SPATA17: variants seen among roughly 807,000 people sequenced by gnomAD.
SPATA17 encodes spermatogenesis-associated protein 17.
Under a neutral mutation model 62.2 loss-of-function variants are expected in SPATA17, and 53 were observed. The observed-to-expected ratio is 0.85, with a 90% confidence interval of 0.68 to 1.07. The LOEUF is 1.07. SPATA17 is among the 50% of genes least tolerant of loss of function. SPATA17 has a pLI of 0.00. For synonymous variants in SPATA17, 146 were observed against 146.8 expected (o/e 0.99, Z 0.04); for missense variants, 466 against 425.5 (o/e 1.10, Z -0.84).
chr1:217,871,581 C>T lies in SPATA17; in HGVS notation c.*4562C>T, dbSNP rs142634615. 6.6e-5 allele frequency: 10 copies of T among 152,240 alleles called. No individual in the cohort carries two copies. In the East Asian group the frequency reaches 1.9e-3, roughly 29 times the overall value. 9.4% of individuals were successfully genotyped at this position (152,240 alleles called of 1,614,324 possible). A position where few individuals can be genotyped will look rare whatever the true frequency, so the allele number is the denominator to read the frequency against. On this transcript the variant is annotated 3_prime_UTR_variant, in exon 11 of 11. Transcript: ENST00000366933. The stretch of plus-strand genomic sequence containing the variant: ...CCAAGTTACAGATTTTAATAAACCA[C>T]TGTGCAAAGCATTAGGATAAATTTT...
intron 4 of SPATA17, among the ~76,000 whole-genome samples, chr1:217,682,451 A>G (rs1315254903): frequency 6.6e-6 from 1 of 151,968 alleles, no homozygotes; most frequent in East Asian, 1.9e-4. Flanking sequence ...AAGATGTAAG[A>G]AGCAGATAAT....
chr1:217,680,887 T>C (rs1671063479), intron 4 of SPATA17, among the ~76,000 whole-genome samples: 1 of 132,474 alleles, frequency 7.5e-6, no homozygotes, highest in Non-Finnish European at 1.5e-5. Flanking sequence ...ATCATGCCAC[T>C]GCACTCCAGA....
rs1446032939 is a variant in SPATA17, at chr1:217,729,884, G to A, written c.396-12091G>A. On this transcript the variant is annotated intron_variant, in intron 5 of 10. Coordinates refer to ENST00000366933, the MANE Select transcript of SPATA17 (RefSeq NM_138796.4). Reference sequence around the variant, plus strand: ...AAAATATTTAAAAACAAAATACACAGAAAGGAAAAAATGCTTCAGTCCCAA... The same window carrying A: ...AAAATATTTAAAAACAAAATACACAAAAAGGAAAAAATGCTTCAGTCCCAA... Among the ~76,000 whole-genome samples the A allele has an allele frequency of 3.9e-5, 6 of 151,918 alleles. No individual in the cohort carries two copies. The East Asian group carries it at 1.2e-3, about 29-fold the overall frequency.
intron 9 of SPATA17, among the ~76,000 whole-genome samples, chr1:217,833,861 T>G (rs1360295760): frequency 6.6e-6 from 1 of 152,168 alleles, no homozygotes; most frequent in African/African-American, 2.4e-5. Flanking sequence ...AGTAACCATT[T>G]TGTACAACAA....
chr1:217,783,432 G>A (rs951710942), intron 8 of SPATA17, among the ~76,000 whole-genome samples: 5 of 151,948 alleles, frequency 3.3e-5, no homozygotes, highest in Non-Finnish European at 7.4e-5. Flanking sequence ...TAGCTGTAGA[G>A]TGTTTAGCAG....
At chr1:217,836,961 G>A (rs1425598912) in intron 9 of SPATA17, among the ~76,000 whole-genome samples, 1 of 151,812 alleles carries the variant, frequency 6.6e-6, no homozygotes, top group African/African-American at 2.4e-5. Flanking sequence ...AGTTATTTTG[G>A]GTATATGTTC....
intron 9 of SPATA17, among the ~76,000 whole-genome samples, chr1:217,853,086 A>T (rs1675700863): frequency 1.3e-5 from 2 of 152,076 alleles, no homozygotes; most frequent in Non-Finnish European, 2.9e-5. Flanking sequence ...TAGGCACTTG[A>T]TTAATATTTT....
chr1:217,727,312 A>G (rs1672289304), intron 5 of SPATA17, among the ~76,000 whole-genome samples: 1 of 150,686 alleles, frequency 6.6e-6, no homozygotes, highest in African/African-American at 2.4e-5. Context: ...TTATTCTTAT[A>G]CATGGCTCCT....
At chr1:217,791,019 A>G (rs185524876) in intron 8 of SPATA17, among the ~76,000 whole-genome samples, 31 of 152,334 alleles carry the variant, frequency 2.0e-4, no homozygotes, top group African/African-American at 7.2e-4. Flanking sequence ...CTGTATTATG[A>G]TAGAGATTAT....
chr1:217,800,406 G>C (rs887057815), intron 8 of SPATA17, among the ~76,000 whole-genome samples: 88 of 152,040 alleles, frequency 5.8e-4, no homozygotes, highest in African/African-American at 2.0e-3. Flanking sequence ...AGAGTTCAAT[G>C]GCCAGTCTTT....
chr1:217,784,908 G>A (rs917746139), intron 8 of SPATA17: 1 of 152,090 alleles, frequency 6.6e-6, no homozygotes. Flanking sequence ...TTGTTTGCTA[G>A]GGCTGCCATA....
intron 5 of SPATA17, among the ~76,000 whole-genome samples, chr1:217,718,259 T>C (rs996421308): frequency 2.0e-5 from 3 of 152,006 alleles, no homozygotes; most frequent in Non-Finnish European, 4.4e-5. Context: ...AAAGAATACC[T>C]GACTAACTGA....
chr1:217,756,021 C>G (rs941866652), intron 6 of SPATA17, among the ~76,000 whole-genome samples: 2 of 152,034 alleles, frequency 1.3e-5, no homozygotes, highest in African/African-American at 2.4e-5. Context: ...AGCTACCTCC[C>G]TCTAATGTAG....
chr1:217,744,882 A>G (rs72728819), intron 6 of SPATA17, among the ~76,000 whole-genome samples: 69,740 of 151,962 alleles, frequency 0.46, 17,504 homozygotes, highest in Non-Finnish European at 0.58. Flanking sequence ...GAAGAATGTG[A>G]TGAGGATTAA....
intron 1 of SPATA17, among the ~76,000 whole-genome samples, chr1:217,632,516 A>G (rs914391347): frequency 6.6e-6 from 1 of 152,198 alleles, no homozygotes; most frequent in Non-Finnish European, 1.5e-5. Flanking sequence ...CTCACCTACT[A>G]CATCATTATT....
intron 9 of SPATA17, among the ~76,000 whole-genome samples, chr1:217,808,870 T>C (rs915453577): frequency 6.9e-6 from 1 of 145,616 alleles, no homozygotes; most frequent in African/African-American, 2.5e-5. Context: ...AAAAAAAAAG[T>C]AAAATGCAAT....
chr1:217,666,908 A>G (rs973189666), intron 3 of SPATA17, among the ~76,000 whole-genome samples: 1 of 152,148 alleles, frequency 6.6e-6, no homozygotes, highest in Non-Finnish European at 1.5e-5. Context: ...CTTAAGAATG[A>G]TATGTGAGAA....
chr1:217,673,129 A>G (rs1292492443), intron 4 of SPATA17, among the ~76,000 whole-genome samples: 1 of 152,028 alleles, frequency 6.6e-6, no homozygotes, highest in Non-Finnish European at 1.5e-5. Context: ...TGATTATCTG[A>G]CTATACTGTA....
intron 6 of SPATA17, among the ~76,000 whole-genome samples, chr1:217,765,403 G>A (rs1336591675): frequency 3.3e-5 from 5 of 151,410 alleles, no homozygotes; most frequent in Non-Finnish European, 7.4e-5. Flanking sequence ...TGCATTCAAT[G>A]CAATAAATTT....
Sources: gnomAD v4.1 joint callset for allele counts (sites outside exome capture counted in the v4.1 genomes callset) on GRCh38, gnomAD v4.1.1 for gene constraint, MANE v1.5 for transcripts, NCBI Gene and HGNC (gene_info 2026-07-23, HGNC 2026-07-21) for gene names.